Variants in PAM observed in about 807,000 individuals in gnomAD.
PAM encodes peptidylglycine alpha-amidating monooxygenase.
A neutral mutation model predicts 122.1 loss-of-function variants in PAM; 72 were observed. The ratio of observed to expected loss-of-function variants is 0.59; its 90% CI spans 0.49 to 0.72. PAM has a LOEUF of 0.72. PAM is among the 30% of genes least tolerant of loss of function. The pLI, the probability that PAM is intolerant of heterozygous loss-of-function variation, is 0.00. For missense variants in PAM, 1,106 were observed against 1,183.7 expected (o/e 0.93, Z 0.96); for synonymous variants, 389 against 404.4 (o/e 0.96, Z 0.46).
At chr5:102,933,692 C>G (rs948964207) in intron 7 of PAM, among the ~76,000 whole-genome samples, 5 of 152,208 alleles carry the variant, frequency 3.3e-5, no homozygotes, top group Non-Finnish European at 5.9e-5. Flanking sequence ...CACTGTGACT[C>G]CAGCTGTATC....
At chr5:102,785,509 A>G (rs1374105603) in intron 1 of PAM, among the ~76,000 whole-genome samples, 1 of 152,214 alleles carries the variant, frequency 6.6e-6, no homozygotes, top group East Asian at 1.9e-4. Flanking sequence ...AGAAGATGGC[A>G]ATAAGAACTA....
intron 1 of PAM, among the ~76,000 whole-genome samples, chr5:102,824,136 A>G (rs1284117768): frequency 6.6e-6 from 1 of 152,222 alleles, no homozygotes; most frequent in Non-Finnish European, 1.5e-5. Context: ...ATTCAAGACC[A>G]TACTTAATGC....
chr5:102,756,882 A>G (rs1750554888), intron 1 of PAM, among the ~76,000 whole-genome samples: 1 of 152,224 alleles, frequency 6.6e-6, no homozygotes, highest in African/African-American at 2.4e-5. Flanking sequence ...TTAAAGATAT[A>G]AAGATATAGA....
chr5:102,842,315 C>G (rs1312651880), intron 1 of PAM, among the ~76,000 whole-genome samples: 4 of 151,688 alleles, frequency 2.6e-5, no homozygotes, highest in African/African-American at 9.7e-5. Context: ...ATCTTAAATT[C>G]CCATGTGTTG....
chr5:103,019,706 G>T, intron 22 of PAM, 84 bp from the exon 23 acceptor site: 2 of 871,002 alleles, frequency 2.3e-6, no homozygotes, highest in African/African-American at 1.7e-5. Context: ...ATTTTCTACT[G>T]AGTAAAATTA....
chr5:102,935,019 T>C (rs545223529), intron 7 of PAM, among the ~76,000 whole-genome samples: 37 of 152,308 alleles, frequency 2.4e-4, no homozygotes, highest in African/African-American at 8.2e-4. Flanking sequence ...TAATCTTCTC[T>C]TCTGAACTTT....
At chr5:102,896,376 G>A (rs1430868936) in intron 3 of PAM, among the ~76,000 whole-genome samples, 1 of 151,694 alleles carries the variant, frequency 6.6e-6, no homozygotes, top group Non-Finnish European at 1.5e-5. Context: ...ATATGAAAAA[G>A]TGATCTGTAT....
intron 2 of PAM, among the ~76,000 whole-genome samples, chr5:102,866,947 A>G (rs1211909344): frequency 6.6e-6 from 1 of 152,252 alleles, no homozygotes; most frequent in Non-Finnish European, 1.5e-5. Flanking sequence ...AACTTGAAAC[A>G]GATATATGTT....
chr5:102,952,886 A>G, intron 12 of PAM, among the ~76,000 whole-genome samples: 1 of 152,072 alleles, frequency 6.6e-6, no homozygotes. Context: ...CAACCCACAC[A>G]TACAAACACA....
At chr5:102,821,898 A>G (rs920971671) in intron 1 of PAM, among the ~76,000 whole-genome samples, 4 of 152,216 alleles carry the variant, frequency 2.6e-5, no homozygotes, top group African/African-American at 9.6e-5. Flanking sequence ...TCTGGTCACA[A>G]AAACAATATC....
chr5:102,802,039 T>C (rs939924754), intron 1 of PAM, among the ~76,000 whole-genome samples: 2 of 151,882 alleles, frequency 1.3e-5, no homozygotes, highest in South Asian at 2.1e-4. Flanking sequence ...CGCCTCGGCC[T>C]CCCAAAGTGC....
intron 24 of PAM, 112 bp from the exon 25 acceptor site, chr5:103,028,073 G>C (rs911764362): frequency 1.3e-6 from 1 of 797,814 alleles, no homozygotes; most frequent in Admixed American, 2.0e-5. Flanking sequence ...ACAGACAAGA[G>C]CCAGGCCTTG....
intron 1 of PAM, among the ~76,000 whole-genome samples, chr5:102,760,298 A>G (rs578242192): frequency 1.7e-4 from 26 of 152,170 alleles, no homozygotes; most frequent in Non-Finnish European, 3.1e-4. Flanking sequence ...ACATTGGCAC[A>G]ACTATGCTGA....
intron 3 of PAM, among the ~76,000 whole-genome samples, chr5:102,894,163 T>C (rs1054401428): frequency 1.3e-5 from 2 of 151,608 alleles, no homozygotes; most frequent in Non-Finnish European, 3.0e-5. Flanking sequence ...GCTAGAGCTT[T>C]ACATAGTCTT....
intron 1 of PAM, among the ~76,000 whole-genome samples, chr5:102,853,651 T>C (rs545471608): frequency 1.3e-5 from 2 of 152,364 alleles, no homozygotes; most frequent in Non-Finnish European, 2.9e-5. Context: ...AGAGCATTTA[T>C]CAATACCATC....
At chr5:102,867,435 A>T (rs367562349) in intron 3 of PAM, 42 bp downstream of exon 3, 10 of 1,496,674 alleles carry the variant, frequency 6.7e-6, no homozygotes, top group Non-Finnish European at 8.3e-6. Context: ...TGTTCTGGAT[A>T]CAATCTATAA....
chr5:102,803,123 CAAAA>C (rs1269635372), intron 1 of PAM, among the ~76,000 whole-genome samples: 14 of 129,626 alleles, frequency 1.1e-4, no homozygotes, highest in Non-Finnish European at 1.4e-4. Context: ...ATTCTGTGTC[CAAAA>C]AAAAAGAAAG....
intron 24 of PAM, among the ~76,000 whole-genome samples, chr5:103,027,407 G>A (rs139098810): frequency 1.3e-3 from 205 of 152,278 alleles, no homozygotes; most frequent in African/African-American, 4.7e-3. Context: ...AGACCTAACA[G>A]GACAACCCCA....
chr5:102,782,376 C>T (rs2431319), intron 1 of PAM, among the ~76,000 whole-genome samples: 57,969 of 151,688 alleles, frequency 0.38, 11,622 homozygotes, highest in African/African-American at 0.49. Flanking sequence ...CTTTGTTTTC[C>T]CCCCAGAGGA....
Sources: gnomAD v4.1 joint callset for allele counts (sites outside exome capture counted in the v4.1 genomes callset) on GRCh38, gnomAD v4.1.1 for gene constraint, MANE v1.5 for transcripts, NCBI Gene and HGNC (gene_info 2026-07-23, HGNC 2026-07-21) for gene names.